Variants in RFX3 observed in about 807,000 individuals in gnomAD.
RFX3 encodes transcription factor RFX3.
In RFX3, 14 loss-of-function variants were observed where a neutral mutation model predicts 98.6. The observed-to-expected ratio is 0.14, with a 90% CI of 0.09 to 0.22. RFX3 has a LOEUF of 0.22. Ranked by LOEUF, RFX3 falls within the 10% of genes least tolerant of loss-of-function variation. The pLI, the probability that RFX3 is intolerant of heterozygous loss-of-function variation, is 1.00. For synonymous variants in RFX3, 383 were observed against 328.4 expected (o/e 1.17, Z -1.80); for missense variants, 639 against 926.9 (o/e 0.69, Z 4.03).
At chr9:3,417,247 T>C (rs1257102269) in intron 1 of RFX3, among the ~76,000 whole-genome samples, 1 of 152,038 alleles carries the variant, frequency 6.6e-6, no homozygotes, top group Non-Finnish European at 1.5e-5. Flanking sequence ...AATGCAGTAT[T>C]ATTGATGGAT....
At chr9:3,260,112 CATT>C (rs1822673531) in intron 13 of RFX3, among the ~76,000 whole-genome samples, 1 of 151,908 alleles carries the variant, frequency 6.6e-6, no homozygotes, top group Admixed American at 6.6e-5. Flanking sequence ...AGAGATTACT[CATT>C]AATATGTACA....
In RFX3 at chr9:3,346,722, G is replaced by C; in HGVS notation, c.160C>G (p.Pro54Ala). 1 of 1,613,792 alleles carries C rather than the reference G, an allele frequency of 6.2e-7. No individual in the cohort carries two copies. ...CCTTCCACATACTGCACCTGAGCGG[G>C]ATAGACATGTTGTACCTGCTGCACA... is the stretch of plus-strand genomic sequence containing the variant. ...QTVQQVQHVY[P>A]AQVQYVEGSD... The change falls in exon 3 of 17, where the codon CCC (proline) becomes GCC (alanine). Residue 54 changes from proline (P) to alanine (A), a missense_variant. By Grantham distance (27) the Pro-to-Ala change is conservative. Coordinates refer to ENST00000617270, the MANE Select transcript of RFX3 (RefSeq NM_001282116.2).
chr9:3,340,706 A>C (rs1433676804), intron 3 of RFX3, among the ~76,000 whole-genome samples: 1 of 152,190 alleles, frequency 6.6e-6, no homozygotes, highest in Admixed American at 6.5e-5. Context: ...ACAATGAGAT[A>C]CCATCTCACA....
chr9:3,502,882 C>A (rs529340583), intron 1 of RFX3, among the ~76,000 whole-genome samples: 31 of 152,126 alleles, frequency 2.0e-4, no homozygotes, highest in African/African-American at 7.5e-4. Context: ...ACCAGATTAA[C>A]CATAAGTTGT....
intron 3 of RFX3, among the ~76,000 whole-genome samples, chr9:3,342,417 C>A (rs1273524108): frequency 6.6e-6 from 1 of 152,118 alleles, no homozygotes; most frequent in Non-Finnish European, 1.5e-5. Context: ...AATCTATAAT[C>A]TAAACAGGAA....
At chr9:3,356,425 G>A (rs950740932) in intron 2 of RFX3, among the ~76,000 whole-genome samples, 1 of 151,630 alleles carries the variant, frequency 6.6e-6, no homozygotes, top group African/African-American at 2.4e-5. Flanking sequence ...GTTTATAAAA[G>A]GCCTAAATGA....
At chr9:3,321,321 G>C (rs1213895579) in intron 4 of RFX3, among the ~76,000 whole-genome samples, 1 of 152,156 alleles carries the variant, frequency 6.6e-6, no homozygotes, top group Non-Finnish European at 1.5e-5. Flanking sequence ...CTGAGTCAGA[G>C]GATATGTGTA....
intron 2 of RFX3, among the ~76,000 whole-genome samples, chr9:3,360,489 T>G (rs1836287850): frequency 6.6e-6 from 1 of 152,064 alleles, no homozygotes; most frequent in Non-Finnish European, 1.5e-5. Context: ...TAACATTCTG[T>G]ACCAGAATTT....
chr9:3,334,373 T>C (rs755948735), intron 3 of RFX3, among the ~76,000 whole-genome samples: 5 of 152,252 alleles, frequency 3.3e-5, no homozygotes, highest in East Asian at 1.9e-4. Context: ...AGATGTTCTA[T>C]GATCGTGGAA....
chr9:3,290,822 G>A (rs541647905), intron 6 of RFX3, among the ~76,000 whole-genome samples: 3 of 152,142 alleles, frequency 2.0e-5, no homozygotes. Context: ...AACTGACACA[G>A]TGAAGGGGTT....
intron 2 of RFX3, among the ~76,000 whole-genome samples, chr9:3,372,053 A>T (rs964255545): frequency 2.6e-5 from 4 of 152,146 alleles, no homozygotes; most frequent in Non-Finnish European, 5.9e-5. Flanking sequence ...ATCTGTATAC[A>T]TTCACCCTTA....
chr9:3,359,504 C>T (rs1304492771), intron 2 of RFX3, among the ~76,000 whole-genome samples: 2 of 152,206 alleles, frequency 1.3e-5, no homozygotes, highest in South Asian at 2.1e-4. Context: ...GCCAGTCTAT[C>T]AGGATGTATA....
chr9:3,318,390 G>A (rs547596759), intron 4 of RFX3, among the ~76,000 whole-genome samples: 55 of 152,056 alleles, frequency 3.6e-4, no homozygotes, highest in Non-Finnish European at 7.2e-4. Flanking sequence ...AGGGAGCGGG[G>A]AGGGATAGCA....
intron 2 of RFX3, among the ~76,000 whole-genome samples, chr9:3,387,631 T>C (rs917071809): frequency 6.6e-6 from 1 of 152,022 alleles, no homozygotes; most frequent in Non-Finnish European, 1.5e-5. Flanking sequence ...CATTGTCTTT[T>C]TTTTTTTCAA....
At chr9:3,344,782 G>C in intron 3 of RFX3, 1 of 697,644 alleles carries the variant, frequency 1.4e-6, no homozygotes, top group Non-Finnish European at 2.6e-6. Flanking sequence ...AGAGCATAAA[G>C]GTCGAAGTGG....
intron 4 of RFX3, among the ~76,000 whole-genome samples, chr9:3,304,321 T>A (rs1829022881): frequency 6.6e-6 from 1 of 151,984 alleles, no homozygotes; most frequent in Admixed American, 6.6e-5. Flanking sequence ...AAAAACAGTT[T>A]CTTTTCTTTT....
intron 1 of RFX3, among the ~76,000 whole-genome samples, chr9:3,458,670 G>A (rs1423026161): frequency 1.3e-5 from 2 of 152,158 alleles, no homozygotes; most frequent in African/African-American, 4.8e-5. Flanking sequence ...AATAAAGTTT[G>A]GCACAGTGTA....
rs188525203 is a variant in RFX3 at position 3,306,877 on chromosome 9, T to C, written c.475-5257A>G. On this transcript the variant is annotated intron_variant, in intron 4 of 16. Coordinates refer to ENST00000617270, the MANE Select transcript of RFX3 (RefSeq NM_001282116.2). ...ATGTAGGTTCAAGGAAGGGTAAGAT[T>C]GGTAATATGGTTTGGGTCTGTGTCC... is the stretch of plus-strand genomic sequence containing the variant. 2.1e-3 allele frequency among the ~76,000 whole-genome samples: 317 copies of C among 152,130 alleles called. 3 individuals are homozygous for C. Among genetic ancestry groups the C allele is most frequent in the African/African-American group, 6.9e-3 (287 of 41,510 alleles).
chr9:3,485,233 T>C (rs1468001604), intron 1 of RFX3, among the ~76,000 whole-genome samples: 10 of 152,208 alleles, frequency 6.6e-5, no homozygotes, highest in Admixed American at 6.5e-5. Context: ...CCCTGTTCTA[T>C]TGGTTTTTCC....
Sources: gnomAD v4.1 joint callset for allele counts (sites outside exome capture counted in the v4.1 genomes callset) on GRCh38, gnomAD v4.1.1 for gene constraint, MANE v1.5 for transcripts, NCBI Gene and HGNC (gene_info 2026-07-23, HGNC 2026-07-21) for gene names.